Variants in TCERG1L observed in about 807,000 individuals in gnomAD.
TCERG1L encodes transcription elongation regulator 1-like protein.
In TCERG1L, 37 loss-of-function variants were observed where a neutral mutation model predicts 56.3. The observed-to-expected ratio is 0.66, with a 90% CI of 0.51 to 0.87. The LOEUF is 0.87. Among genes scored for constraint, TCERG1L ranks in the 40% least tolerant of loss-of-function variants. The pLI is 0.00. For missense variants in TCERG1L, 799 were observed against 774.2 expected (o/e 1.03, Z -0.38); for synonymous variants, 324 against 326.3 (o/e 0.99, Z 0.08).
chr10:131,110,049 T>A (rs1000303495), intron 9 of TCERG1L, among the ~76,000 whole-genome samples: 3 of 152,142 alleles, frequency 2.0e-5, no homozygotes, highest in African/African-American at 7.2e-5. Flanking sequence ...CCCGCAGGCA[T>A]CTCGCTGGAG....
At chr10:131,251,239 G>A (rs1846107326) in intron 4 of TCERG1L, among the ~76,000 whole-genome samples, 1 of 152,118 alleles carries the variant, frequency 6.6e-6, no homozygotes, top group South Asian at 2.1e-4. Flanking sequence ...TTCTGCCCAG[G>A]CCAGCAACCC....
At chr10:131,201,327 C>T (rs902756655) in intron 4 of TCERG1L, among the ~76,000 whole-genome samples, 8 of 152,148 alleles carry the variant, frequency 5.3e-5, no homozygotes, top group South Asian at 2.1e-4. Flanking sequence ...GCAGGGACAG[C>T]GACAGAGAGG....
intron 4 of TCERG1L, among the ~76,000 whole-genome samples, chr10:131,231,316 T>G (rs1225407906): frequency 2.0e-5 from 3 of 152,220 alleles, no homozygotes; most frequent in Non-Finnish European, 4.4e-5. Flanking sequence ...TGAGCACAAC[T>G]GACTCAGTCA....
intron 9 of TCERG1L, among the ~76,000 whole-genome samples, chr10:131,108,517 G>A (rs1300374576): frequency 6.6e-6 from 1 of 151,886 alleles, no homozygotes; most frequent in Non-Finnish European, 1.5e-5. Flanking sequence ...ACCCACTTCA[G>A]ATGATTTGCT....
rs1846500891 is a variant in TCERG1L, at chr10:131,284,780, C to G, written c.670+23431G>C. ...TCTCATACCAAAGGCAATTTGCAAA[C>G]TTAGATGCAAGTATAAATTCTAGAA... On this transcript the variant is annotated intron_variant, in intron 3 of 11. Coordinates refer to ENST00000368642, the MANE Select transcript of TCERG1L (RefSeq NM_174937.4). 3.3e-5 allele frequency among the ~76,000 whole-genome samples: 5 copies of G among 151,936 alleles called. No homozygotes were observed. In the South Asian group the frequency reaches 1.0e-3, roughly 31 times the overall value.
Position 131,311,371 on chromosome 10 carries a change from G to C in TCERG1L, c.265C>G (p.Pro89Ala). The C allele has an allele frequency of 8.4e-7, 1 of 1,196,684 alleles. No individual in the cohort carries two copies. Among genetic ancestry groups the C allele is most frequent in the South Asian group, 4.2e-5 (1 of 24,066 alleles). 74.1% of individuals were successfully genotyped at this position (1,196,684 alleles called of 1,614,324 possible). A position where few individuals can be genotyped will look rare whatever the true frequency, so the allele number is the denominator to read the frequency against. Residue 89 changes from proline (P) to alanine (A), a missense_variant, in exon 1 of 12, where the codon CCG becomes GCG. Physicochemically the swap from Pro to Ala is conservative, Grantham distance 27. Coordinates refer to ENST00000368642, the MANE Select transcript of TCERG1L (RefSeq NM_174937.4). This position sits in a 1 kb window ranked among gnomAD's most constrained non-coding sequence, Gnocchi z 4.0. ...GGCGCAGAGGGCAGCGGCAGCAGCG[G>C]GAGCACCGGCTCGCTCGGGGCCGGC... ...GWPAPSEPVL[P>A]LLPLPSAPDS...
chr10:131,289,922 ACTGCTGTGTGTGAGCAGG>A lies in TCERG1L; in HGVS notation c.670+18271_670+18288del, dbSNP rs1846593340. 1.3e-4 allele frequency among the ~76,000 whole-genome samples: 4 copies of A among 31,146 alleles called. 2 individuals are homozygous for A. Among genetic ancestry groups the A allele is most frequent in the Non-Finnish European group, 2.6e-4 (4 of 15,670 alleles). 20.4% of individuals were successfully genotyped at this position (31,146 alleles called of 152,430 possible). A position where few individuals can be genotyped will look rare whatever the true frequency, so the allele number is the denominator to read the frequency against. On this transcript the variant is annotated intron_variant, in intron 3 of 11. Coordinates refer to ENST00000368642, the MANE Select transcript of TCERG1L (RefSeq NM_174937.4). ...TATCGGTGTGTGTGTGTATGTGTGC[ACTGCTGTGTGTGAGCAGG>A]TGTGCACTGCCTCCATCTCCTATCG...
chr10:131,105,447 G>A (rs1564792372), intron 9 of TCERG1L, among the ~76,000 whole-genome samples: 1 of 152,126 alleles, frequency 6.6e-6, no homozygotes, highest in Non-Finnish European at 1.5e-5. Context: ...TCCTGGGGGG[G>A]ATACTCCTCC....
intron 4 of TCERG1L, among the ~76,000 whole-genome samples, chr10:131,243,171 C>A (rs1845992433): frequency 6.6e-6 from 1 of 152,128 alleles, no homozygotes; most frequent in Non-Finnish European, 1.5e-5. Context: ...CCAACTCGCT[C>A]CTGCCTCTCC....
intron 3 of TCERG1L, among the ~76,000 whole-genome samples, chr10:131,300,569 A>T (rs1846750755): frequency 6.6e-6 from 1 of 152,096 alleles, no homozygotes; most frequent in Non-Finnish European, 1.5e-5. Context: ...TGACTTTCTT[A>T]TATTTTTATA....
intron 4 of TCERG1L, among the ~76,000 whole-genome samples, chr10:131,189,505 GATTTT>G (rs1431525082): frequency 7.2e-5 from 11 of 152,130 alleles, no homozygotes; most frequent in Non-Finnish European, 1.6e-4. Flanking sequence ...TGAAAGACAT[GATTTT>G]ATTATTTTTT....
At chr10:131,128,956 A>T (rs1470347235) in intron 8 of TCERG1L, among the ~76,000 whole-genome samples, 1 of 152,226 alleles carries the variant, frequency 6.6e-6, no homozygotes, top group Non-Finnish European at 1.5e-5. Context: ...GGACAGAAGA[A>T]CAAGCCCCTA....
rs560429551 is a variant in TCERG1L at position 131,227,124 on chromosome 10, A to G, written c.856+33135T>C. ...CACCCCATTCAGAGACTTGTTCTCC[A>G]TAATGTCCCATAGGGCATGGCCATG... On this transcript the variant is annotated intron_variant, in intron 4 of 11. Transcript: ENST00000368642. Among the ~76,000 whole-genome samples the G allele has an allele frequency of 5.9e-5, 9 of 152,366 alleles. 1 individual carries two copies. The highest frequency in any genetic ancestry group is 2.2e-4 in the African/African-American group (9 of 41,600).
At chr10:131,239,166 C>G (rs762332048) in intron 4 of TCERG1L, among the ~76,000 whole-genome samples, 12 of 152,224 alleles carry the variant, frequency 7.9e-5, no homozygotes, top group Non-Finnish European at 1.8e-4. Context: ...GCTCCGGCAC[C>G]CAGCAGCAAA....
chr10:131,305,934 T>C (rs1846814662), intron 3 of TCERG1L, among the ~76,000 whole-genome samples: 1 of 152,032 alleles, frequency 6.6e-6, no homozygotes, highest in Non-Finnish European at 1.5e-5. Flanking sequence ...TGATACAAAT[T>C]ATTATAACAT....
intron 4 of TCERG1L, among the ~76,000 whole-genome samples, chr10:131,176,081 C>T (rs759470573): frequency 2.6e-5 from 4 of 152,172 alleles, no homozygotes; most frequent in Admixed American, 1.3e-4. Flanking sequence ...TCGAGCCCTC[C>T]GGGTGCTAGA....
At position 131,309,665 on chromosome 10, in the gene TCERG1L, T is replaced by C. The variant is rs528528282; in HGVS notation, c.343-366A>G. On this transcript the variant is annotated intron_variant, in intron 1 of 11. Transcript: ENST00000368642. The stretch of plus-strand genomic sequence containing the variant: ...TTTTCTAATTCTTAAATTATTTTTA[T>C]AGGCAGGCTTAGGGCTATATTTTAT... Among the ~76,000 whole-genome samples, 453 of 152,142 alleles carry C rather than the reference T, an allele frequency of 3.0e-3. 1 individual carries two copies. Among genetic ancestry groups the C allele is most frequent in the African/African-American group, 0.01 (434 of 41,532 alleles).
rs545783134 is a variant in TCERG1L, at chr10:131,245,084, C to A, written c.856+15175G>T. ...AGCCCAGCTCCACCCAAGAAATTGG[C>A]TTGCTACCCTGCCCCCGGCCACAGA... On this transcript the variant is annotated intron_variant, in intron 4 of 11. Coordinates refer to ENST00000368642, the MANE Select transcript of TCERG1L (RefSeq NM_174937.4). 2.0e-5 allele frequency among the ~76,000 whole-genome samples: 3 copies of A among 152,326 alleles called. No individual in the cohort carries two copies. In the East Asian group the frequency reaches 5.8e-4, roughly 29 times the overall value.
At chr10:131,245,418 T>A (rs145902359) in intron 4 of TCERG1L, among the ~76,000 whole-genome samples, 10,123 of 139,788 alleles carry the variant, frequency 0.072, 383 homozygotes, top group Middle Eastern at 0.14. Context: ...TAATTTTTTT[T>A]TTAAAAAAAC....
Sources: gnomAD v4.1 joint callset for allele counts (sites outside exome capture counted in the v4.1 genomes callset) on GRCh38, gnomAD v4.1.1 for gene constraint, Gnocchi (gnomAD v3.1) non-coding constraint, MANE v1.5 for transcripts, NCBI Gene and HGNC (gene_info 2026-07-23, HGNC 2026-07-21) for gene names.